The following VWCE variants were observed in gnomAD, a reference collection of about 807,000 sequenced individuals.
VWCE encodes the protein von Willebrand factor C and EGF domains.
A neutral mutation model predicts 102.9 loss-of-function variants in VWCE; 68 were observed. That is an observed-to-expected ratio of 0.66 (90% CI 0.54 to 0.81). VWCE has a LOEUF of 0.81. Among genes scored for constraint, VWCE ranks in the 30% least tolerant of loss-of-function variants. The pLI is 0.00. For synonymous variants in VWCE, 497 were observed against 515.4 expected (o/e 0.96, Z 0.48); for missense variants, 1,137 against 1,263.6 (o/e 0.90, Z 1.52).
intron 9 of VWCE, among the ~76,000 whole-genome samples, chr11:61,279,757 ACT>A (rs922411475): frequency 1.3e-4 from 19 of 151,756 alleles, no homozygotes; most frequent in Admixed American, 3.3e-4. Flanking sequence ...CCAGGGTCTC[ACT>A]CTGTTGCCCA....
intron 2 of VWCE, 27 bp from the exon 3 acceptor site, chr11:61,291,380 C>A (rs535061141): frequency 4.4e-6 from 7 of 1,605,152 alleles, no homozygotes; most frequent in Non-Finnish European, 6.0e-6. Context: ...AGGTGAGACA[C>A]GAGGAACTGG....
chr11:61,271,570 CGGCCAGCCTGAGGCCAGCCTCTGGAGG>C (rs1854702909), intron 14 of VWCE, 78 bp downstream of exon 14: 1 of 1,098,654 alleles, frequency 9.1e-7, no homozygotes. Flanking sequence ...AGGGAGACTG[CGGCCAGCCTGAGGCCAGCCTCTGGAGG>C]GGCCAGGACG....
At position 61,284,520 on chromosome 11, in the gene VWCE, C is replaced by T. The variant is rs150906190; in HGVS notation, c.542-1615G>A. The stretch of plus-strand genomic sequence containing the variant: ...GACTAAACTCTGTCCCCTCAAAAAT[C>T]GTGTTGAAGCCCTAACCGCCAATGT... On this transcript the variant is annotated intron_variant, in intron 5 of 19. Coordinates refer to ENST00000335613, the MANE Select transcript of VWCE (RefSeq NM_152718.2). Among the ~76,000 whole-genome samples the T allele has an allele frequency of 3.4e-3, 510 of 152,236 alleles. 1 individual carries two copies. The highest frequency in any genetic ancestry group is 0.012 in the African/African-American group (481 of 41,542).
At position 61,278,476 on chromosome 11, in the gene VWCE, C is replaced by G. The variant is rs200253654; in HGVS notation, c.1325G>C (p.Gly442Ala). The G allele has an allele frequency of 7.8e-5, 126 of 1,613,946 alleles. No individual in the cohort carries two copies. The highest frequency in any genetic ancestry group is 1.0e-4 in the Non-Finnish European group (121 of 1,179,982). The change falls in exon 10 of 20, where the codon GGC becomes GCC. Residue 442 changes from glycine (G) to alanine (A), a missense_variant and splice_region_variant. This residue lies in a region of VWCE where 575 missense variants were observed against 625.9 expected (regional missense o/e 0.92). Transcript: ENST00000335613. Reference sequence around the variant, plus strand: ...TCGGACGACACCACTGTGAAAACAGCCTTTGAAGGACAAATAGGAGGTAGA... The same window carrying G: ...TCGGACGACACCACTGTGAAAACAGGCTTTGAAGGACAAATAGGAGGTAGA... ...RDGGCCPSCTGCFHSGVVRAE... is the reference protein window; with the variant it reads ...RDGGCCPSCTACFHSGVVRAE...
At chr11:61,276,744 C>T in intron 10 of VWCE, 64 bp from the exon 11 acceptor site, 1 of 1,320,136 alleles carries the variant, frequency 7.6e-7, no homozygotes, top group Non-Finnish European at 1.0e-6. Context: ...TTCCCCATCT[C>T]ACAGCAGGCC....
At chr11:61,261,450 T>C (rs1825162020) in intron 19 of VWCE, among the ~76,000 whole-genome samples, 1 of 150,934 alleles carries the variant, frequency 6.6e-6, no homozygotes, top group African/African-American at 2.5e-5. Context: ...TTTAAAAAAA[T>C]CATCAAAAGA....
At chr11:61,271,875 GACAC>G (rs1259228001) in intron 13 of VWCE, 115 bp from the exon 14 acceptor site, 12 of 884,676 alleles carry the variant, frequency 1.4e-5, no homozygotes, top group Non-Finnish European at 2.2e-5. Context: ...CTCACACACG[GACAC>G]ACAAACTTAC....
intron 16 of VWCE, among the ~76,000 whole-genome samples, chr11:61,266,704 C>T (rs1222927095): frequency 1.3e-5 from 2 of 152,094 alleles, no homozygotes; most frequent in South Asian, 2.1e-4. Flanking sequence ...TAACTAGTTA[C>T]GGGATCTGAG....
intron 14 of VWCE, 69 bp downstream of exon 14, chr11:61,271,606 C>T (rs918609761): frequency 7.4e-6 from 11 of 1,477,516 alleles, no homozygotes; most frequent in East Asian, 4.8e-5. Flanking sequence ...GGGGCCAGGA[C>T]GCTTGTCTCC....
At chr11:61,265,071 A>G (rs1854470115) in intron 17 of VWCE, 33 bp from the exon 18 acceptor site, 2 of 1,613,806 alleles carry the variant, frequency 1.2e-6, no homozygotes, top group African/African-American at 1.3e-5. Context: ...AGCCCATGAG[A>G]GCCGAGGCCT....
chr11:61,271,679 C>T lies in VWCE; in HGVS notation c.1781G>A (p.Cys594Tyr), dbSNP rs528803428. The T allele has an allele frequency of 2.5e-6, 4 of 1,612,138 alleles. No individual in the cohort carries two copies. In the South Asian group the frequency reaches 4.4e-5, roughly 18 times the overall value. Residue 594 changes from cysteine (C) to tyrosine (Y), a missense_variant, in exon 14 of 20, where the codon TGC (cysteine) becomes TAC (tyrosine). This residue lies in a region of VWCE where 212 missense variants were observed against 235.1 expected (regional missense o/e 0.90). Transcript: ENST00000335613. ...SPGDPCELCI[C>Y]QADGSVSCKR... ...GGCGAGCAGGTTGTCATTCACCTGG[C>T]AGATGCATAACTCACAGGGGTCACC...
At position 61,295,187 on chromosome 11, in the gene VWCE, G is replaced by A. The variant is rs1243343921; in HGVS notation, c.-150C>T. Reference sequence around the variant, plus strand: ...ACGCAGAGCTGAGCAGGGGGGCTTGGGACGCCGAGAGGAGGGGCCGAGGGC... The same window carrying A: ...ACGCAGAGCTGAGCAGGGGGGCTTGAGACGCCGAGAGGAGGGGCCGAGGGC... On this transcript the variant is annotated 5_prime_UTR_variant, in exon 1 of 20. Transcript: ENST00000335613. The surrounding 1 kb of genome is among the most constrained non-coding windows in gnomAD (Gnocchi z 4.6). The A allele has an allele frequency of 1.4e-5, 6 of 442,398 alleles. No homozygotes were observed. Among genetic ancestry groups the A allele is most frequent in the African/African-American group, 2.0e-5 (1 of 48,988 alleles). The allele number at this position is 442,398 out of a possible 1,614,324, so 27.4% of individuals were successfully genotyped here. A position where few individuals can be genotyped will look rare whatever the true frequency, so the allele number is the denominator to read the frequency against.
At position 61,294,851 on chromosome 11, in the gene VWCE, G is replaced by C. The variant is rs1426123528; in HGVS notation, c.110+77C>G. ...ACGCGGCTGCCTGCGGCTCCTGAGC[G>C]CCCCTCCGCGCCTCTCGACTGCACG... is the stretch of plus-strand genomic sequence containing the variant. On this transcript the variant is annotated intron_variant, in intron 1 of 19. Coordinates refer to ENST00000335613, the MANE Select transcript of VWCE (RefSeq NM_152718.2). This position sits in a 1 kb window ranked among gnomAD's most constrained non-coding sequence, Gnocchi z 6.3. 1 of 1,025,960 alleles carries C rather than the reference G, an allele frequency of 9.7e-7. No individual in the cohort carries two copies. The highest frequency in any genetic ancestry group is 1.3e-6 in the Non-Finnish European group (1 of 780,748). The allele number at this position is 1,025,960 out of a possible 1,614,324, so 63.6% of individuals were successfully genotyped here. A position where few individuals can be genotyped will look rare whatever the true frequency, so the allele number is the denominator to read the frequency against.
chr11:61,258,577 G>C lies in VWCE; in HGVS notation c.*98C>G, dbSNP rs1854251898. On this transcript the variant is annotated 3_prime_UTR_variant, in exon 20 of 20. Transcript: ENST00000335613. ...CAGGGCCCCTGCAGGAGGGAGCCCA[G>C]GCATCCCCACCAGGTTCATCCTTGG... 1.6e-6 allele frequency: 2 copies of C among 1,239,154 alleles called. No homozygotes were observed. Among genetic ancestry groups the C allele is most frequent in the African/African-American group, 3.1e-5 (2 of 64,766 alleles). 76.8% of individuals were successfully genotyped at this position (1,239,154 alleles called of 1,614,324 possible).
chr11:61,282,075 G>C (rs1029423300), intron 6 of VWCE, among the ~76,000 whole-genome samples, 161 bp from the exon 7 acceptor site: 1 of 152,196 alleles, frequency 6.6e-6, no homozygotes, highest in East Asian at 1.9e-4. Flanking sequence ...AGCTGGGAGC[G>C]GGGCTGAAAT....
At position 61,294,925 on chromosome 11, in the gene VWCE, T is replaced by C. The variant is rs1458351218; in HGVS notation, c.110+3A>G. ...GGAGCGGGGAGGAGCTCCGGGCGCTTACCTCTCGGCCGCGAAGTGCCCGGG... is the reference window on the plus strand; with the variant it reads ...GGAGCGGGGAGGAGCTCCGGGCGCTCACCTCTCGGCCGCGAAGTGCCCGGG... On this transcript the variant is annotated splice_donor_region_variant and intron_variant, in intron 1 of 19. Coordinates refer to ENST00000335613, the MANE Select transcript of VWCE (RefSeq NM_152718.2). The surrounding 1 kb of genome is among the most constrained non-coding windows in gnomAD (Gnocchi z 6.3). 2.2e-5 allele frequency: 31 copies of C among 1,410,810 alleles called. No homozygotes were observed. Among genetic ancestry groups the C allele is most frequent in the Non-Finnish European group, 2.9e-5 (31 of 1,077,140 alleles). The allele number at this position is 1,410,810 out of a possible 1,614,324, so 87.4% of individuals were successfully genotyped here. A position where few individuals can be genotyped will look rare whatever the true frequency, so the allele number is the denominator to read the frequency against.
At chr11:61,261,804 C>CA (rs34361479) in intron 19 of VWCE, among the ~76,000 whole-genome samples, 11,440 of 116,604 alleles carry the variant, frequency 0.098, 1,248 homozygotes, top group African/African-American at 0.29. Flanking sequence ...GACCCTGTCT[C>CA]AAAAAAAAAA....
At chr11:61,269,295 G>A (rs1445880906) in intron 14 of VWCE, 5 of 451,122 alleles carry the variant, frequency 1.1e-5, no homozygotes, top group African/African-American at 2.0e-5. Context: ...AGCCTGCACC[G>A]TCACCACCAT....
chr11:61,288,988 G>A (rs1483298718), intron 4 of VWCE, among the ~76,000 whole-genome samples: 3 of 149,952 alleles, frequency 2.0e-5, no homozygotes, highest in Admixed American at 6.6e-5. Context: ...ACAGGCACCC[G>A]CCACCACACC....
Sources: allele counts gnomAD v4.1 joint callset (sites outside exome capture counted in the v4.1 genomes callset), GRCh38; gene constraint gnomAD v4.1.1; regional missense constraint gnomAD v4.1.1; non-coding constraint Gnocchi (gnomAD v3.1); transcripts MANE v1.5; gene names NCBI Gene and HGNC (gene_info 2026-07-23, HGNC 2026-07-21).